RPS6KA2: variants seen among roughly 807,000 people sequenced by gnomAD.
RPS6KA2 encodes the protein ribosomal protein S6 kinase A2.
A neutral mutation model predicts 91.8 loss-of-function variants in RPS6KA2; 42 were observed. That is an observed-to-expected ratio of 0.46 (90% CI 0.36 to 0.59). The LOEUF is 0.59. Ranked by LOEUF, RPS6KA2 falls within the 20% of genes least tolerant of loss-of-function variation. RPS6KA2 has a pLI of 0.00. For missense variants in RPS6KA2, 798 were observed against 978.5 expected (o/e 0.82, Z 2.46); for synonymous variants, 414 against 393.6 (o/e 1.05, Z -0.61).
intron 10 of RPS6KA2, among the ~76,000 whole-genome samples, chr6:166,486,494 G>C (rs1416271808): frequency 3.3e-5 from 5 of 152,252 alleles, no homozygotes; most frequent in Admixed American, 3.3e-4. Context: ...CTCTAAGGAA[G>C]CTGCCTCTGT....
intron 2 of RPS6KA2, among the ~76,000 whole-genome samples, chr6:166,661,656 C>CATT (rs1247317394): frequency 6.6e-6 from 1 of 151,960 alleles, no homozygotes; most frequent in Non-Finnish European, 1.5e-5. Flanking sequence ...TTTGCCTTAT[C>CATT]ATTTTTAAAT....
Position 166,772,994 on chromosome 6 carries a change from C to A in RPS6KA2, c.123+85206G>T, listed in dbSNP as rs58374957. 5.3e-5 allele frequency among the ~76,000 whole-genome samples: 8 copies of A among 152,286 alleles called. No individual in the cohort carries two copies. The East Asian group carries it at 1.4e-3, about 26-fold the overall frequency. Reference sequence around the variant, plus strand: ...AGCCACGCTATCCCTCCCACCTCCACCCCTTCTCTTCCTCCAAACTGGCCC... The same window carrying A: ...AGCCACGCTATCCCTCCCACCTCCAACCCTTCTCTTCCTCCAAACTGGCCC... On this transcript the variant is annotated intron_variant, in intron 2 of 21. Coordinates refer to the RPS6KA2 transcript ENST00000503859.
chr6:166,674,750 C>A (rs962488750), intron 2 of RPS6KA2, among the ~76,000 whole-genome samples: 1 of 152,256 alleles, frequency 6.6e-6, no homozygotes, highest in South Asian at 2.1e-4. Context: ...CTTGCTGCAA[C>A]CTCCGCCTCC....
chr6:166,559,476 T>C (rs766721902), intron 1 of RPS6KA2, among the ~76,000 whole-genome samples: 10 of 152,180 alleles, frequency 6.6e-5, no homozygotes, highest in Non-Finnish European at 5.9e-5. Context: ...GAAACCACCA[T>C]GCTAAGTGAT....
chr6:166,636,963 G>A (rs1012849740), intron 2 of RPS6KA2, among the ~76,000 whole-genome samples: 2 of 152,226 alleles, frequency 1.3e-5, no homozygotes, highest in Non-Finnish European at 1.5e-5. Flanking sequence ...CGGTCTCTGA[G>A]AACACAGGAT....
At position 166,494,701 on chromosome 6, in the gene RPS6KA2, A is replaced by G. The variant is rs1781720749; in HGVS notation, c.747+3807T>C. 6.6e-6 allele frequency among the ~76,000 whole-genome samples: 1 copy of G among 152,110 alleles called. No individual in the cohort carries two copies. Among genetic ancestry groups the G allele is most frequent in the Non-Finnish European group, 1.5e-5 (1 of 68,012 alleles). ...CACGGAATTTTATTCAGGGACACTG[A>G]CTTCCTGCCCCTGGCACAGGCATCC... On this transcript the variant is annotated intron_variant, in intron 8 of 20. Coordinates refer to ENST00000265678, the MANE Select transcript of RPS6KA2 (RefSeq NM_021135.6). The surrounding 1 kb of genome is among the most constrained non-coding windows in gnomAD (Gnocchi z 5.1).
At position 166,413,842 on chromosome 6, in the gene RPS6KA2, C is replaced by A; in HGVS notation, c.2028G>T (p.Glu676Asp). 1 of 1,614,222 alleles carries A rather than the reference C, an allele frequency of 6.2e-7. No individual in the cohort carries two copies. Among genetic ancestry groups the A allele is most frequent in the Non-Finnish European group, 8.5e-7 (1 of 1,180,032 alleles). The stretch of plus-strand genomic sequence containing the variant: ...GGCTGAGCTGGTTTGGGGACAGGTA[C>A]TCTCTGTTGACCACCCACGGGTGTT... ...VLKHPWVVNR[E>D]YLSPNQLSRQ... is the part of the protein sequence containing the mutation. Residue 676 changes from glutamate (E) to aspartate (D), a missense_variant, in exon 20 of 21, where the codon GAG becomes GAT. By Grantham distance (45) the Glu-to-Asp change is conservative. Transcript: ENST00000265678.
intron 3 of RPS6KA2, among the ~76,000 whole-genome samples, chr6:166,530,280 C>G (rs1783220452): frequency 6.6e-6 from 1 of 152,200 alleles, no homozygotes; most frequent in African/African-American, 2.4e-5. Context: ...GTCTCCCTAC[C>G]CTGCAGGTTT....
At chr6:166,610,550 C>T (rs941850677) in intron 1 of RPS6KA2, among the ~76,000 whole-genome samples, 2 of 152,158 alleles carry the variant, frequency 1.3e-5, no homozygotes, top group East Asian at 3.8e-4. Flanking sequence ...CTGCCGAGGG[C>T]CATGGAGGCC....
chr6:166,694,482 C>T (rs189191810), intron 2 of RPS6KA2, among the ~76,000 whole-genome samples: 7 of 152,306 alleles, frequency 4.6e-5, no homozygotes, highest in Admixed American at 1.3e-4. Flanking sequence ...CTAGTAACGT[C>T]CAGGATAAAA....
Position 166,419,985 on chromosome 6 carries a change from A to G in RPS6KA2, c.1744-27T>C. 1 of 1,600,562 alleles carries G rather than the reference A, an allele frequency of 6.2e-7. No homozygotes were observed. The highest frequency in any genetic ancestry group is 1.1e-5 in the South Asian group (1 of 90,762). ...TAGGAGGGAACGACAGGACACCGGC[A>G]CGCCCTTCACTAAGGACATTCAGAT... On this transcript the variant is annotated intron_variant, in intron 17 of 20. Coordinates refer to ENST00000265678, the MANE Select transcript of RPS6KA2 (RefSeq NM_021135.6). The surrounding 1 kb of genome is among the most constrained non-coding windows in gnomAD (Gnocchi z 5.6).
intron 3 of RPS6KA2, among the ~76,000 whole-genome samples, chr6:166,529,730 G>A (rs1783199165): frequency 6.6e-6 from 1 of 152,188 alleles, no homozygotes; most frequent in African/African-American, 2.4e-5. Flanking sequence ...CATATATCTA[G>A]GCCTTGTTTC....
chr6:166,534,141 G>T (rs1783394121), intron 2 of RPS6KA2, among the ~76,000 whole-genome samples: 1 of 145,492 alleles, frequency 6.9e-6, no homozygotes. Context: ...AGAATGGTGT[G>T]AACCCGGGAG....
intron 2 of RPS6KA2, among the ~76,000 whole-genome samples, chr6:166,722,624 T>G (rs1227697290): frequency 6.6e-6 from 1 of 152,222 alleles, no homozygotes; most frequent in African/African-American, 2.4e-5. Flanking sequence ...CCTGGAGTTC[T>G]GTAAAAAGAA....
rs759126423 is a variant in RPS6KA2, at chr6:166,819,232, TTTTG to T, written c.123+38964_123+38967del. Among the ~76,000 whole-genome samples the T allele has an allele frequency of 1.1e-3, 173 of 152,310 alleles. 2 individuals carry two copies. The highest frequency in any genetic ancestry group is 3.4e-3 in the Middle Eastern group (1 of 294). ...GAGGAATTCCATCTATGTGTTGGTT[TTTTG>T]TTTGTTTATTTTGTTTTGTTTTTAC... On this transcript the variant is annotated intron_variant, in intron 2 of 21. Coordinates refer to the RPS6KA2 transcript ENST00000503859.
At position 166,433,099 on chromosome 6, in the gene RPS6KA2, T is replaced by TAACAG. The variant is rs950434885; in HGVS notation, c.1333-614_1333-610dup. On this transcript the variant is annotated intron_variant, in intron 14 of 20. Transcript: ENST00000265678. The surrounding 1 kb of genome is among the most constrained non-coding windows in gnomAD (Gnocchi z 4.4). ...GGGAGCTCATGCAAGTGCCACCAAA[T>TAACAG]AACAGACTGTGTCCCACCCTCGCAG... is the stretch of plus-strand genomic sequence containing the variant. Among the ~76,000 whole-genome samples the TAACAG allele has an allele frequency of 2.4e-4, 35 of 147,988 alleles. No homozygotes were observed. Among genetic ancestry groups the TAACAG allele is most frequent in the African/African-American group, 8.8e-4 (35 of 39,714 alleles).
rs540754417 is a variant in RPS6KA2 at position 166,639,091 on chromosome 6, T to C, written c.124-100307A>G. ...AAGGGCTTTATAAATCATAAGGTGC[T>C]CAATGGAGTTATTCGTAGAAATCCT... On this transcript the variant is annotated intron_variant, in intron 2 of 21. Coordinates refer to the RPS6KA2 transcript ENST00000503859. This position sits in a 1 kb window ranked among gnomAD's most constrained non-coding sequence, Gnocchi z 4.2. 3.3e-5 allele frequency among the ~76,000 whole-genome samples: 5 copies of C among 152,140 alleles called. No homozygotes were observed. The highest frequency in any genetic ancestry group is 5.9e-5 in the Non-Finnish European group (4 of 68,022).
intron 2 of RPS6KA2, among the ~76,000 whole-genome samples, chr6:166,714,717 G>A (rs760227314): frequency 6.6e-6 from 1 of 152,208 alleles, no homozygotes; most frequent in African/African-American, 2.4e-5. Context: ...GTCCCTCCCC[G>A]CCTCAGCAGG....
intron 2 of RPS6KA2, among the ~76,000 whole-genome samples, chr6:166,645,980 C>T (rs1298221768): frequency 1.2e-4 from 18 of 152,272 alleles, no homozygotes; most frequent in East Asian, 3.9e-4. Flanking sequence ...TGCAAGTGCT[C>T]GTTAGAACAA....
Sources: allele counts gnomAD v4.1 joint callset (sites outside exome capture counted in the v4.1 genomes callset), GRCh38; gene constraint gnomAD v4.1.1; non-coding constraint Gnocchi (gnomAD v3.1); transcripts MANE v1.5; gene names NCBI Gene and HGNC (gene_info 2026-07-23, HGNC 2026-07-21).